The following RBFOX1 variants were observed in gnomAD, a reference collection of about 807,000 sequenced individuals.
The protein encoded by RBFOX1 is RNA binding protein fox-1 homolog 1.
Under a neutral mutation model 57.7 loss-of-function variants are expected in RBFOX1, and 8 were observed. The ratio of observed to expected loss-of-function variants is 0.14; its 90% CI spans 0.08 to 0.25. The LOEUF is 0.25. RBFOX1 is among the 10% of genes least tolerant of loss of function. The pLI is 1.00. For synonymous variants in RBFOX1, 326 were observed against 222.4 expected (o/e 1.47, Z -4.15); for missense variants, 611 against 548.5 (o/e 1.11, Z -1.14).
At chr16:6,846,564 T>A (rs1362902368) in intron 3 of RBFOX1, among the ~76,000 whole-genome samples, 2 of 152,200 alleles carry the variant, frequency 1.3e-5, no homozygotes, top group Admixed American at 6.5e-5. Context: ...GGGGAGCTGC[T>A]GCAATGCGAG....
At chr16:6,808,760 C>T (rs2154264466) in intron 3 of RBFOX1, among the ~76,000 whole-genome samples, 1 of 152,276 alleles carries the variant, frequency 6.6e-6, no homozygotes, top group East Asian at 1.9e-4. Context: ...CTGGTTATCT[C>T]TGGGTCTGGG....
At position 7,349,723 on chromosome 16, in the gene RBFOX1, A is replaced by G. The variant is rs184214470; in HGVS notation, c.28-168424A>G. On this transcript the variant is annotated intron_variant, in intron 4 of 15. Coordinates refer to ENST00000550418, the MANE Select transcript of RBFOX1 (RefSeq NM_018723.4). Reference sequence around the variant, plus strand: ...CACCGATTTAGTAAATATTTATTCAACATTCAGTGTGTGCTAGACAATACA... The same window carrying G: ...CACCGATTTAGTAAATATTTATTCAGCATTCAGTGTGTGCTAGACAATACA... 2.6e-5 allele frequency among the ~76,000 whole-genome samples: 4 copies of G among 152,290 alleles called. No individual in the cohort carries two copies. In the East Asian group the frequency reaches 7.7e-4, roughly 29 times the overall value.
intron 1 of RBFOX1, among the ~76,000 whole-genome samples, chr16:6,186,482 A>C (rs2152801888): frequency 6.6e-6 from 1 of 152,330 alleles, no homozygotes; most frequent in African/African-American, 2.4e-5. Flanking sequence ...AGTAGACTGC[A>C]GAAACAGATA....
intron 4 of RBFOX1, among the ~76,000 whole-genome samples, chr16:7,062,310 T>A (rs1160599374): frequency 1.2e-5 from 1 of 83,882 alleles, no homozygotes; most frequent in African/African-American, 5.4e-5. Flanking sequence ...AGAGTGAGAC[T>A]CCATCTCAAA....
At chr16:5,260,995 G>A (rs1013840808) in intron 1 of RBFOX1, 4 of 152,156 alleles carry the variant, frequency 2.6e-5, no homozygotes, top group Non-Finnish European at 4.4e-5. Context: ...CCTCTGGAGC[G>A]GTCGATTGGT....
chr16:6,216,790 C>A (rs570356140), intron 1 of RBFOX1, among the ~76,000 whole-genome samples: 2 of 152,130 alleles, frequency 1.3e-5, no homozygotes, highest in African/African-American at 2.4e-5. Context: ...TTATTTCTCA[C>A]GTATATGCCT....
intron 2 of RBFOX1, among the ~76,000 whole-genome samples, chr16:6,646,769 G>A (rs566337724): frequency 3.9e-5 from 6 of 151,990 alleles, no homozygotes; most frequent in Non-Finnish European, 5.9e-5. Context: ...TTAATCTCCC[G>A]TTTCTGTTTA....
intron 4 of RBFOX1, among the ~76,000 whole-genome samples, chr16:5,899,122 GA>G (rs1297583809): frequency 8.3e-6 from 1 of 120,812 alleles, no homozygotes; most frequent in Non-Finnish European, 1.6e-5. Flanking sequence ...TCCAGCCCAG[GA>G]AACAGAGCGA....
intron 3 of RBFOX1, among the ~76,000 whole-genome samples, chr16:6,885,688 C>T (rs1256951681): frequency 2.0e-5 from 3 of 152,028 alleles, no homozygotes; most frequent in Admixed American, 6.6e-5. Flanking sequence ...CCTGCCACCA[C>T]ACTCAGCTAA....
chr16:5,659,248 C>G (rs2049563917), intron 3 of RBFOX1, among the ~76,000 whole-genome samples: 1 of 151,190 alleles, frequency 6.6e-6, no homozygotes, highest in Admixed American at 6.6e-5. Context: ...TTTGCATTTC[C>G]CTGATGATTA....
chr16:6,193,164 T>C (rs1365794396), intron 1 of RBFOX1, among the ~76,000 whole-genome samples: 1 of 151,572 alleles, frequency 6.6e-6, no homozygotes, highest in African/African-American at 2.4e-5. Context: ...TCATCCTATG[T>C]CCTTATCTGT....
At chr16:6,868,941 C>G (rs535823964) in intron 3 of RBFOX1, among the ~76,000 whole-genome samples, 1 of 152,238 alleles carries the variant, frequency 6.6e-6, no homozygotes, top group East Asian at 1.9e-4. Flanking sequence ...TAGCCCTTGC[C>G]TTAGAGATTT....
At chr16:6,057,607 G>A (rs2095630262) in intron 1 of RBFOX1, among the ~76,000 whole-genome samples, 1 of 152,108 alleles carries the variant, frequency 6.6e-6, no homozygotes, top group Non-Finnish European at 1.5e-5. Context: ...ACTGAGCCAA[G>A]AATGCCGCCA....
chr16:5,973,902 A>G (rs776425285), intron 4 of RBFOX1, among the ~76,000 whole-genome samples: 2 of 152,170 alleles, frequency 1.3e-5, no homozygotes, highest in South Asian at 2.1e-4. Context: ...AGGGCTCAGA[A>G]AATGCATATT....
At chr16:6,159,891 A>G (rs1783399949) in intron 1 of RBFOX1, among the ~76,000 whole-genome samples, 1 of 97,732 alleles carries the variant, frequency 1.0e-5, no homozygotes, top group Admixed American at 1.4e-4. Context: ...ATCTCCTTAA[A>G]TTTGTGCTGC....
chr16:7,672,647 T>G (rs1042616667), intron 13 of RBFOX1, among the ~76,000 whole-genome samples: 1 of 151,866 alleles, frequency 6.6e-6, no homozygotes, highest in Admixed American at 6.6e-5. Flanking sequence ...GCAGATTGCT[T>G]GAGGCCAGGG....
chr16:7,385,097 G>C (rs191769798), intron 4 of RBFOX1, among the ~76,000 whole-genome samples: 2,298 of 152,340 alleles, frequency 0.015, 60 homozygotes, highest in African/African-American at 0.053. Context: ...GGAAAATAGA[G>C]AGAGGGGCAC....
intron 4 of RBFOX1, among the ~76,000 whole-genome samples, chr16:6,010,692 G>T (rs1170978099): frequency 6.6e-6 from 1 of 152,224 alleles, no homozygotes; most frequent in Non-Finnish European, 1.5e-5. Flanking sequence ...ATGTAAACAT[G>T]CTTCATGGAA....
At chr16:6,163,625 C>T (rs1222653333) in intron 1 of RBFOX1, among the ~76,000 whole-genome samples, 1 of 152,076 alleles carries the variant, frequency 6.6e-6, no homozygotes, top group Non-Finnish European at 1.5e-5. Context: ...GGTGTCTTAG[C>T]CTCAAGATAG....
Sources: gnomAD v4.1 joint callset for allele counts (sites outside exome capture counted in the v4.1 genomes callset) on GRCh38, gnomAD v4.1.1 for gene constraint, MANE v1.5 for transcripts, NCBI Gene and HGNC (gene_info 2026-07-23, HGNC 2026-07-21) for gene names.